Variants in ATL1 observed in about 807,000 individuals in gnomAD.
The protein encoded by ATL1 is atlastin-1.
ATL1 carries 31 observed loss-of-function variants against 75.5 expected under a neutral mutation model. The ratio of observed to expected loss-of-function variants is 0.41; its 90% CI spans 0.31 to 0.55. The LOEUF is 0.55. Among genes scored for constraint, ATL1 ranks in the 20% least tolerant of loss-of-function variants. ATL1 has a pLI of 0.27. For synonymous variants in ATL1, 226 were observed against 233.3 expected, an observed-to-expected ratio of 0.97 and a Z score of 0.28; for missense variants, 405 against 662.6, an observed-to-expected ratio of 0.61 and a Z score of 4.27.
intron 6 of ATL1, among the ~76,000 whole-genome samples, chr14:50,611,158 G>C (rs2039362394): frequency 6.6e-6 from 1 of 152,086 alleles, no homozygotes; most frequent in African/African-American, 2.4e-5. Context: ...TTCAGAGAGA[G>C]AAAGAGCCTT....
intron 1 of ATL1, among the ~76,000 whole-genome samples, chr14:50,539,497 G>A (rs1001438500): frequency 1.3e-5 from 2 of 152,198 alleles, no homozygotes; most frequent in African/African-American, 4.8e-5. Flanking sequence ...TCCAGGGCCT[G>A]ACTATAAAGG....
At chr14:50,549,280 A>G (rs2038673018) in intron 1 of ATL1, among the ~76,000 whole-genome samples, 1 of 152,224 alleles carries the variant, frequency 6.6e-6, no homozygotes, top group Admixed American at 6.5e-5. Context: ...ATATAACCAT[A>G]TAGGTACATC....
intron 8 of ATL1, among the ~76,000 whole-genome samples, chr14:50,615,134 G>A (rs2039402568): frequency 6.6e-6 from 1 of 152,216 alleles, no homozygotes; most frequent in South Asian, 2.1e-4. Context: ...GAGCAGGAGG[G>A]GAGGTAGGAG....
intron 4 of ATL1, 54 bp from the exon 5 acceptor site, chr14:50,593,792 G>A: frequency 8.5e-7 from 1 of 1,172,338 alleles, no homozygotes; most frequent in Non-Finnish European, 1.3e-6. Context: ...GATGAAGTAA[G>A]TGCTTAGGAT....
intron 1 of ATL1, among the ~76,000 whole-genome samples, chr14:50,567,554 A>G (rs2038916272): frequency 6.6e-6 from 1 of 152,190 alleles, no homozygotes; most frequent in African/African-American, 2.4e-5. Flanking sequence ...TTTTCCACAG[A>G]GGTTGTACCA....
At chr14:50,543,306 A>C (rs1306793426) in intron 1 of ATL1, among the ~76,000 whole-genome samples, 1 of 152,264 alleles carries the variant, frequency 6.6e-6, no homozygotes, top group Non-Finnish European at 1.5e-5. Context: ...TTCCCTTGAC[A>C]GATAAGTCAA....
chr14:50,630,674 T>G (rs1009755192), intron 13 of ATL1, among the ~76,000 whole-genome samples: 1 of 152,244 alleles, frequency 6.6e-6, no homozygotes, highest in Non-Finnish European at 1.5e-5. Context: ...ACTATAGAGA[T>G]AATTCTTTCC....
At chr14:50,549,608 T>C (rs1333092758) in intron 1 of ATL1, among the ~76,000 whole-genome samples, 1 of 152,176 alleles carries the variant, frequency 6.6e-6, no homozygotes, top group East Asian at 1.9e-4. Flanking sequence ...ATCAAGTGTC[T>C]CACTGCTCTT....
intron 1 of ATL1, among the ~76,000 whole-genome samples, chr14:50,576,594 G>A (rs2039008258): frequency 1.3e-5 from 2 of 152,182 alleles, no homozygotes; most frequent in African/African-American, 4.8e-5. Context: ...AAAAATTTTA[G>A]AGACAGGGTC....
rs1197343633 is a variant in ATL1, at chr14:50,590,981, C to T, written c.323C>T (p.Thr108Ile). The change falls in exon 3 of 14, where the codon ACT becomes ATT. Residue 108 changes from threonine (T) to isoleucine (I), a missense_variant. Physicochemically the swap from Thr to Ile is moderately conservative, Grantham distance 89. Transcript: ENST00000358385. ...DWVGDYNEPL[T>I]GFSWRGGSER... The stretch of plus-strand genomic sequence containing the variant: ...GTTGGAGACTACAATGAACCATTGA[C>T]TGGTTTTTCATGGAGAGGTGGATCT... 2 of 1,613,674 alleles carry T rather than the reference C, an allele frequency of 1.2e-6. No homozygotes were observed. Among genetic ancestry groups the T allele is most frequent in the African/African-American group, 1.3e-5 (1 of 74,910 alleles).
At chr14:50,585,256 T>G (rs1387248740) in intron 1 of ATL1, among the ~76,000 whole-genome samples, 1 of 152,216 alleles carries the variant, frequency 6.6e-6, no homozygotes, top group Non-Finnish European at 1.5e-5. Context: ...TTTGAAAAAC[T>G]TACAACCCAG....
intron 8 of ATL1, 137 bp from the exon 9 acceptor site, chr14:50,620,462 T>C: frequency 6.8e-6 from 6 of 879,844 alleles, no homozygotes; most frequent in Non-Finnish European, 1.0e-5. Context: ...GTTTCAGGAG[T>C]CGCTTAAATG....
In ATL1 at chr14:50,620,730, T is replaced by C. The variant is rs372029461; in HGVS notation, c.990+4T>C. 1 of 1,612,956 alleles carries C rather than the reference T, an allele frequency of 6.2e-7. No individual in the cohort carries two copies. The highest frequency in any genetic ancestry group is 8.5e-7 in the Non-Finnish European group (1 of 1,179,258). On this transcript the variant is annotated splice_donor_region_variant and intron_variant, in intron 9 of 13. Coordinates refer to ENST00000358385, the MANE Select transcript of ATL1 (RefSeq NM_015915.5). ...GGGTCTGGTGGAGTACTTCAAGGTATCACTCTCATTTCTAGAGCATTCGTG... is the reference window on the plus strand; with the variant it reads ...GGGTCTGGTGGAGTACTTCAAGGTACCACTCTCATTTCTAGAGCATTCGTG...
At chr14:50,539,901 A>G (rs1176753114) in intron 1 of ATL1, among the ~76,000 whole-genome samples, 1 of 152,104 alleles carries the variant, frequency 6.6e-6, no homozygotes, top group Non-Finnish European at 1.5e-5. Context: ...AAGAATCTCA[A>G]GGTTTAGGGA....
rs1290407030 is a variant in ATL1 at position 50,580,261 on chromosome 14, G to A, written c.35-7570G>A. On this transcript the variant is annotated intron_variant, in intron 1 of 13. Coordinates refer to ENST00000358385, the MANE Select transcript of ATL1 (RefSeq NM_015915.5). ...TATAAACATATTTGTGCAGGTTTGC[G>A]TCTGAACACGGGTTTTCACTGACTT... is the stretch of plus-strand genomic sequence containing the variant. Among the ~76,000 whole-genome samples, 16 of 152,142 alleles carry A rather than the reference G, an allele frequency of 1.1e-4. No individual in the cohort carries two copies. In the East Asian group the frequency reaches 1.3e-3, roughly 13 times the overall value.
chr14:50,598,369 T>A (rs2039240952), intron 6 of ATL1, among the ~76,000 whole-genome samples: 1 of 152,128 alleles, frequency 6.6e-6, no homozygotes, highest in Non-Finnish European at 1.5e-5. Flanking sequence ...TTTTTATTTT[T>A]TTTTGAGACG....
intron 1 of ATL1, 47 bp from the exon 2 acceptor site, chr14:50,587,784 G>A (rs2039116374): frequency 4.3e-6 from 7 of 1,613,324 alleles, no homozygotes; most frequent in Non-Finnish European, 5.9e-6. Context: ...TACATTTCTT[G>A]GCACTTTGAG....
chr14:50,629,183 C>T lies in ATL1; in HGVS notation c.1551+721C>T, dbSNP rs577630843. On this transcript the variant is annotated intron_variant, in intron 12 of 13. Transcript: ENST00000358385. The stretch of plus-strand genomic sequence containing the variant: ...GAACCACTATCATAAGTTGTCATAT[C>T]ATTCTCTTTTTTAGTTAAAAACTTC... 1.9e-4 allele frequency among the ~76,000 whole-genome samples: 29 copies of T among 152,296 alleles called. 1 individual carries two copies. Among genetic ancestry groups the T allele is most frequent in the African/African-American group, 6.5e-4 (27 of 41,560 alleles).
At chr14:50,562,796 G>A (rs1369281705) in intron 1 of ATL1, among the ~76,000 whole-genome samples, 2 of 152,178 alleles carry the variant, frequency 1.3e-5, no homozygotes, top group African/African-American at 4.8e-5. Flanking sequence ...AAGTACATAT[G>A]ACATAAATGA....
Sources: gnomAD v4.1 joint callset for allele counts (sites outside exome capture counted in the v4.1 genomes callset) on GRCh38, gnomAD v4.1.1 for gene constraint, MANE v1.5 for transcripts, NCBI Gene and HGNC (gene_info 2026-07-23, HGNC 2026-07-21) for gene names.